The following XXYLT1 variants were observed in gnomAD, a reference collection of about 807,000 sequenced individuals.
The protein encoded by XXYLT1 is UDP-xylose:alpha-xyloside alpha-1,3-xylosyltransferase.
In XXYLT1, 20 loss-of-function variants were observed where a neutral mutation model predicts 28.9. The observed-to-expected ratio is 0.69, with a 90% CI of 0.49 to 1.00. The LOEUF (loss-of-function observed/expected upper bound fraction) is 1.00. XXYLT1 is among the 50% of genes least tolerant of loss of function. The pLI, the probability that XXYLT1 is intolerant of heterozygous loss-of-function variation, is 0.00. For missense variants in XXYLT1, 542 were observed against 560.1 expected (o/e 0.97, Z 0.33); for synonymous variants, 257 against 253.8 (o/e 1.01, Z -0.12).
At chr3:195,178,923 T>C (rs1363216923) in intron 2 of XXYLT1, among the ~76,000 whole-genome samples, 1 of 150,720 alleles carries the variant, frequency 6.6e-6, no homozygotes, top group African/African-American at 2.4e-5. Flanking sequence ...TAAGAAAGAG[T>C]TTTCTAAAAT....
chr3:195,171,134 C>T (rs1721384183), intron 2 of XXYLT1, among the ~76,000 whole-genome samples: 1 of 152,212 alleles, frequency 6.6e-6, no homozygotes, highest in Non-Finnish European at 1.5e-5. Flanking sequence ...AACGGGCTTC[C>T]CTCTGAGTTA....
intron 1 of XXYLT1, among the ~76,000 whole-genome samples, chr3:195,251,534 T>C (rs1425909248): frequency 2.6e-5 from 4 of 152,174 alleles, no homozygotes; most frequent in African/African-American, 9.7e-5. Context: ...AGTGAGGGGC[T>C]GCTCCGCCTG....
At chr3:195,127,161 G>A (rs1718680355) in intron 3 of XXYLT1, among the ~76,000 whole-genome samples, 1 of 152,156 alleles carries the variant, frequency 6.6e-6, no homozygotes, top group Non-Finnish European at 1.5e-5. Flanking sequence ...CTCCAACACA[G>A]CTCCCCGGTA....
intron 3 of XXYLT1, among the ~76,000 whole-genome samples, chr3:195,145,951 A>C (rs1299494647): frequency 6.6e-6 from 1 of 152,252 alleles, no homozygotes; most frequent in African/African-American, 2.4e-5. Flanking sequence ...AACAGTAAGC[A>C]GCTCATTTAA....
intron 2 of XXYLT1, among the ~76,000 whole-genome samples, chr3:195,164,200 G>C (rs1490301410): frequency 1.3e-5 from 2 of 152,240 alleles, no homozygotes; most frequent in Non-Finnish European, 2.9e-5. Flanking sequence ...GAGGCCCAAA[G>C]AGATTAGGTG....
intron 3 of XXYLT1, among the ~76,000 whole-genome samples, chr3:195,136,930 G>T (rs1278452642): frequency 6.6e-6 from 1 of 152,174 alleles, no homozygotes; most frequent in Non-Finnish European, 1.5e-5. Flanking sequence ...CATCAGAAAG[G>T]CCTGGACCCA....
At chr3:195,083,013 G>A (rs1215496894) in intron 3 of XXYLT1, among the ~76,000 whole-genome samples, 2 of 152,148 alleles carry the variant, frequency 1.3e-5, no homozygotes, top group East Asian at 1.9e-4. Context: ...CATTTCTGCT[G>A]GCCAGCCGAA....
At chr3:195,178,974 C>T (rs962033202) in intron 2 of XXYLT1, among the ~76,000 whole-genome samples, 9 of 152,174 alleles carry the variant, frequency 5.9e-5, no homozygotes, top group African/African-American at 2.2e-4. Context: ...GGTGGCAGCT[C>T]CCTGTCCCTG....
intron 3 of XXYLT1, among the ~76,000 whole-genome samples, chr3:195,085,114 C>A (rs1276460043): frequency 6.6e-6 from 1 of 152,226 alleles, no homozygotes; most frequent in Non-Finnish European, 1.5e-5. Flanking sequence ...TGCTCTAAAT[C>A]CTCTCCTTGC....
intron 3 of XXYLT1, among the ~76,000 whole-genome samples, chr3:195,081,374 C>T (rs935487946): frequency 6.6e-6 from 1 of 152,206 alleles, no homozygotes; most frequent in Non-Finnish European, 1.5e-5. Flanking sequence ...TCTGTCACAG[C>T]GCTGAGCAGG....
intron 1 of XXYLT1, among the ~76,000 whole-genome samples, chr3:195,251,532 G>T (rs2108840443): frequency 6.6e-6 from 1 of 152,162 alleles, no homozygotes; most frequent in East Asian, 1.9e-4. Context: ...TCAGTGAGGG[G>T]CTGCTCCGCC....
At chr3:195,231,439 G>A (rs1394684959) in intron 1 of XXYLT1, among the ~76,000 whole-genome samples, 1 of 152,070 alleles carries the variant, frequency 6.6e-6, no homozygotes, top group African/African-American at 2.4e-5. Flanking sequence ...ATTCAACATA[G>A]TGGGCATCCT....
intron 3 of XXYLT1, among the ~76,000 whole-genome samples, chr3:195,101,210 G>A (rs952482): frequency 0.074 from 11,259 of 152,326 alleles, 1,358 homozygotes; most frequent in African/African-American, 0.26. Context: ...TCCTTACGGC[G>A]CTTGGGCAGG....
intron 3 of XXYLT1, among the ~76,000 whole-genome samples, chr3:195,139,988 C>A (rs1468629251): frequency 6.6e-6 from 1 of 152,182 alleles, no homozygotes; most frequent in African/African-American, 2.4e-5. Flanking sequence ...GGGAGCAACA[C>A]CCTCTCTGCA....
At chr3:195,227,263 T>C (rs545184663) in intron 1 of XXYLT1, among the ~76,000 whole-genome samples, 1 of 152,304 alleles carries the variant, frequency 6.6e-6, no homozygotes, top group East Asian at 1.9e-4. Flanking sequence ...ATTGCATGGC[T>C]AACACTGCTC....
At chr3:195,134,142 A>G (rs1205856680) in intron 3 of XXYLT1, among the ~76,000 whole-genome samples, 1 of 152,236 alleles carries the variant, frequency 6.6e-6, no homozygotes, top group Non-Finnish European at 1.5e-5. Context: ...TACAAGAGTC[A>G]AAAAGGTTTT....
chr3:195,245,919 G>C (rs1469190846), intron 1 of XXYLT1, among the ~76,000 whole-genome samples: 1 of 152,216 alleles, frequency 6.6e-6, no homozygotes, highest in Admixed American at 6.5e-5. Context: ...CGCAGAAGCA[G>C]GCGCTGGCAC....
At chr3:195,224,839 GGTGAGGCCAAGAGA>G (rs1409065208) in intron 2 of XXYLT1, among the ~76,000 whole-genome samples, 1 of 152,216 alleles carries the variant, frequency 6.6e-6, no homozygotes, top group Non-Finnish European at 1.5e-5. Context: ...TGGGGAAACT[GGTGAGGCCAAGAGA>G]GACAAAGTGG....
At chr3:195,254,893 T>C (rs947434151) in intron 1 of XXYLT1, among the ~76,000 whole-genome samples, 1 of 152,188 alleles carries the variant, frequency 6.6e-6, no homozygotes, top group Non-Finnish European at 1.5e-5. Flanking sequence ...GTTCAGAGAA[T>C]GTAAACAACT....
Sources: allele counts gnomAD v4.1 joint callset (sites outside exome capture counted in the v4.1 genomes callset), GRCh38; gene constraint gnomAD v4.1.1; transcripts MANE v1.5; gene names NCBI Gene and HGNC (gene_info 2026-07-23, HGNC 2026-07-21).